NFASC: variants seen among roughly 807,000 people sequenced by gnomAD.
NFASC encodes neurofascin homolog.
Under a neutral mutation model 147.5 loss-of-function variants are expected in NFASC, and 43 were observed. The observed-to-expected ratio is 0.29, with a 90% confidence interval of 0.23 to 0.38. The LOEUF (loss-of-function observed/expected upper bound fraction) is 0.38. NFASC is among the 10% of genes least tolerant of loss of function. NFASC has a pLI of 1.00. For missense variants in NFASC, 1,320 were observed against 1,689.0 expected (o/e 0.78, Z 3.83); for synonymous variants, 622 against 665.5 (o/e 0.93, Z 1.01).
chr1:204,949,011 C>A (rs1038854510), intron 3 of NFASC, among the ~76,000 whole-genome samples: 2 of 152,166 alleles, frequency 1.3e-5, no homozygotes, highest in African/African-American at 2.4e-5. Flanking sequence ...AGACGAGCTC[C>A]GGGGAGCATG....
chr1:204,840,256 A>G (rs546446794), intron 1 of NFASC, among the ~76,000 whole-genome samples: 50 of 152,254 alleles, frequency 3.3e-4, no homozygotes, highest in Non-Finnish European at 6.2e-4. Context: ...CCCTGCCAAC[A>G]TGGTAACATC....
rs1365547128 is a variant in NFASC, at chr1:204,915,995, C to T, written c.-199-4637C>T. Among the ~76,000 whole-genome samples the T allele has an allele frequency of 2.6e-5, 4 of 152,310 alleles. No individual in the cohort carries two copies. The East Asian group carries it at 5.8e-4, about 22-fold the overall frequency. On this transcript the variant is annotated intron_variant, in intron 1 of 29. Coordinates refer to ENST00000339876, the MANE Select transcript of NFASC (RefSeq NM_001005388.3). Reference sequence around the variant, plus strand: ...CCCCAGACACTCCCTGTCATCAGTCCGACATGCTGCGTCCTGCCTTTGTTG... The same window carrying T: ...CCCCAGACACTCCCTGTCATCAGTCTGACATGCTGCGTCCTGCCTTTGTTG...
chr1:204,956,522 T>G (rs1484469858), intron 7 of NFASC, among the ~76,000 whole-genome samples: 2 of 152,234 alleles, frequency 1.3e-5, no homozygotes, highest in African/African-American at 4.8e-5. Flanking sequence ...TAGAATGCAC[T>G]GGGTTCTTTT....
chr1:204,914,338 A>G (rs1166643562), intron 1 of NFASC, among the ~76,000 whole-genome samples: 5 of 152,166 alleles, frequency 3.3e-5, no homozygotes, highest in African/African-American at 1.2e-4. Context: ...CCTCCATGCT[A>G]TGCTCATAAT....
At chr1:204,973,009 C>G (rs558578902) in intron 11 of NFASC, among the ~76,000 whole-genome samples, 1 of 152,322 alleles carries the variant, frequency 6.6e-6, no homozygotes, top group Non-Finnish European at 1.5e-5. Context: ...TGCTCTCAAC[C>G]ACAACTGCCC....
chr1:204,862,836 A>T (rs1012034339), intron 1 of NFASC, among the ~76,000 whole-genome samples: 1 of 152,194 alleles, frequency 6.6e-6, no homozygotes, highest in Admixed American at 6.5e-5. Flanking sequence ...TTAAGTTTTT[A>T]AATTTTTTAA....
At chr1:204,961,063 C>T (rs1252480389) in intron 8 of NFASC, among the ~76,000 whole-genome samples, 1 of 152,190 alleles carries the variant, frequency 6.6e-6, no homozygotes, top group Admixed American at 6.5e-5. Flanking sequence ...GGGCCATCTG[C>T]TTGGCTTCCA....
Position 205,001,210 on chromosome 1 carries a change from C to T in NFASC, c.3060C>T (p.Pro1020=). The T allele has an allele frequency of 2.5e-6, 4 of 1,612,562 alleles. No individual in the cohort carries two copies. The highest frequency in any genetic ancestry group is 1.3e-5 in the African/African-American group (1 of 74,992). The change falls in exon 26 of 30, where the codon CCC becomes CCT. Residue 1020 remains proline, a synonymous_variant. Transcript: ENST00000339876. ...CCATATGGAACGTCACGGTGCTCCC[C>T]AACAGTAAATGGGCCAACATCACCT... ...EQSIWNVTVL[P]NSKWANITWK...
At chr1:204,871,019 G>A (rs1437322471) in intron 1 of NFASC, 3 of 1,289,688 alleles carry the variant, frequency 2.3e-6, no homozygotes, top group Non-Finnish European at 3.0e-6. Context: ...CCCCATGGAG[G>A]GAGACTGAGA....
At chr1:204,941,916 C>T (rs2093386372) in intron 2 of NFASC, among the ~76,000 whole-genome samples, 1 of 152,136 alleles carries the variant, frequency 6.6e-6, no homozygotes, top group Admixed American at 6.5e-5. Context: ...TCTCCTGCGC[C>T]GCCTGGTGGT....
At chr1:204,842,475 C>G (rs1675629543) in intron 1 of NFASC, among the ~76,000 whole-genome samples, 2 of 144,950 alleles carry the variant, frequency 1.4e-5, no homozygotes, top group South Asian at 4.2e-4. Flanking sequence ...AGAGCTTTCT[C>G]TGTCTGAAAA....
Position 204,992,477 on chromosome 1 carries a change from G to A in NFASC, c.2782+1171G>A, listed in dbSNP as rs149724929. 2.2e-4 allele frequency among the ~76,000 whole-genome samples: 34 copies of A among 152,270 alleles called. No individual in the cohort carries two copies. In the East Asian group the frequency reaches 5.2e-3, roughly 23 times the overall value. On this transcript the variant is annotated intron_variant, in intron 24 of 29. Transcript: ENST00000339876. ...CGGCCAGATCTGTGGATGGTGAGCT[G>A]CCATCATCCTTCCCTCTCTCCCTCA...
At chr1:204,849,588 C>T (rs915569273) in intron 1 of NFASC, among the ~76,000 whole-genome samples, 9 of 152,142 alleles carry the variant, frequency 5.9e-5, no homozygotes, top group South Asian at 2.1e-4. Flanking sequence ...GTCCAATTCC[C>T]TCATTTTGCA....
In NFASC at chr1:204,987,095, A is replaced by G. The variant is rs2095630763; in HGVS notation, c.2471-323A>G. 1 of 365,090 alleles carries G rather than the reference A, an allele frequency of 2.7e-6. No individual in the cohort carries two copies. Among genetic ancestry groups the G allele is most frequent in the African/African-American group, 2.1e-5 (1 of 48,324 alleles). 22.6% of individuals were successfully genotyped at this position (365,090 alleles called of 1,614,324 possible). A position where few individuals can be genotyped will look rare whatever the true frequency, so the allele number is the denominator to read the frequency against. ...TCTCTACCTAGGAATGGCTCTGCCCAATTTCGAGGTATCTTTGCAGAATCA... is the reference window on the plus strand; with the variant it reads ...TCTCTACCTAGGAATGGCTCTGCCCGATTTCGAGGTATCTTTGCAGAATCA... On this transcript the variant is annotated intron_variant, in intron 21 of 29. Transcript: ENST00000339876. The surrounding 1 kb of genome is among the most constrained non-coding windows in gnomAD (Gnocchi z 4.4).
chr1:204,920,955 G>A (rs2149442090), intron 2 of NFASC, among the ~76,000 whole-genome samples: 1 of 152,284 alleles, frequency 6.6e-6, no homozygotes, highest in South Asian at 2.1e-4. Flanking sequence ...GCTGGTGAGG[G>A]TAGCGTTTAA....
chr1:204,925,289 C>T (rs1390583631), intron 2 of NFASC, among the ~76,000 whole-genome samples: 1 of 152,198 alleles, frequency 6.6e-6, no homozygotes, highest in East Asian at 1.9e-4. Flanking sequence ...ATTTATCCCA[C>T]TTTTAAACAT....
intron 1 of NFASC, among the ~76,000 whole-genome samples, chr1:204,915,140 C>T (rs930123054): frequency 2.0e-5 from 3 of 151,876 alleles, no homozygotes; most frequent in South Asian, 2.1e-4. Context: ...ATTAGCCGGG[C>T]GTGGTGGTGG....
chr1:204,952,045 G>A lies in NFASC; in HGVS notation c.144G>A (p.Ala48=), dbSNP rs540711036. 12 of 1,614,124 alleles carry A rather than the reference G, an allele frequency of 7.4e-6. No homozygotes were observed. The highest frequency in any genetic ancestry group is 4.0e-5 in the African/African-American group (3 of 75,046). ...CGCCAACCATCACCAAGCAGTCAGC[G>A]AAGGATCACATCGTGGACCCCCGTG... The part of the protein sequence containing the change: ...TQPPTITKQS[A]KDHIVDPRDN... The change falls in exon 5 of 30, where the codon GCG becomes GCA. Residue 48 remains alanine, a synonymous_variant. Transcript: ENST00000339876.
At chr1:204,889,513 G>A (rs1055767294) in intron 1 of NFASC, among the ~76,000 whole-genome samples, 4 of 152,232 alleles carry the variant, frequency 2.6e-5, no homozygotes, top group Admixed American at 1.3e-4. Context: ...TATTGGCTCA[G>A]AATAGCAGGT....
Sources: allele counts gnomAD v4.1 joint callset (sites outside exome capture counted in the v4.1 genomes callset), GRCh38; gene constraint gnomAD v4.1.1; non-coding constraint Gnocchi (gnomAD v3.1); transcripts MANE v1.5; gene names NCBI Gene and HGNC (gene_info 2026-07-23, HGNC 2026-07-21).